The following NEBL variants were observed in gnomAD, a reference collection of about 807,000 sequenced individuals.
The protein encoded by NEBL is LIM and SH3 protein 2.
NEBL carries 122 observed loss-of-function variants against 140.2 expected under a neutral mutation model. The observed-to-expected ratio is 0.87, with a 90% CI of 0.75 to 1.01. The LOEUF (loss-of-function observed/expected upper bound fraction) is 1.01, where lower values mean the gene tolerates loss of function less well. Ranked by LOEUF, NEBL falls within the 50% of genes least tolerant of loss-of-function variation. NEBL has a pLI of 0.00. For missense variants in NEBL, 1,365 were observed against 1,231.3 expected (o/e 1.11, Z -1.62); for synonymous variants, 436 against 398.9 (o/e 1.09, Z -1.11).
chr10:21,170,685 C>T (rs1841033043), intron 2 of NEBL: 1 of 152,612 alleles, frequency 6.6e-6, no homozygotes, highest in Non-Finnish European at 1.5e-5. Flanking sequence ...TCAATGCCCC[C>T]ATTTTCTGAT....
At chr10:21,158,662 C>T (rs1840431935) in intron 2 of NEBL, among the ~76,000 whole-genome samples, 1 of 152,170 alleles carries the variant, frequency 6.6e-6, no homozygotes, top group Non-Finnish European at 1.5e-5. Context: ...TTCTCAGGTC[C>T]CTAAGATGCC....
At chr10:20,803,815 A>AAT (rs1471723616) in intron 26 of NEBL, among the ~76,000 whole-genome samples, 4 of 137,794 alleles carry the variant, frequency 2.9e-5, no homozygotes, top group Non-Finnish European at 4.6e-5. Flanking sequence ...TACGAAAAAT[A>AAT]TATATATATA....
At chr10:21,039,371 A>T (rs371248634) in intron 2 of NEBL, among the ~76,000 whole-genome samples, 1 of 152,204 alleles carries the variant, frequency 6.6e-6, no homozygotes, top group African/African-American at 2.4e-5. Context: ...TTTACGTTTA[A>T]GTCTTTAATC....
At chr10:20,922,970 A>G (rs1201741714) in intron 4 of NEBL, among the ~76,000 whole-genome samples, 3 of 152,226 alleles carry the variant, frequency 2.0e-5, no homozygotes, top group Non-Finnish European at 4.4e-5. Context: ...TTTTCCTTCC[A>G]GTACCTGGTA....
At chr10:21,289,197 C>A (rs1843109230) in intron 1 of NEBL, among the ~76,000 whole-genome samples, 1 of 151,642 alleles carries the variant, frequency 6.6e-6, no homozygotes, top group South Asian at 2.1e-4. Flanking sequence ...CCCGGTTGTT[C>A]CCAAACTGGA....
chr10:21,292,133 G>T (rs993617771), intron 1 of NEBL, among the ~76,000 whole-genome samples: 1 of 151,988 alleles, frequency 6.6e-6, no homozygotes, highest in Non-Finnish European at 1.5e-5. Context: ...AGCTGAACGT[G>T]GTTTCTTTTT....
rs1385075087 is a variant in NEBL, at chr10:21,022,909, G to T, written c.165-2708C>A. On this transcript the variant is annotated intron_variant, in intron 2 of 6. Transcript: ENST00000417816. ...TATTGATTCAAACGAGTAAGGTGTA[G>T]CAGGTAAGGTCTTTTGCTCTCCTTA... Among the ~76,000 whole-genome samples, 5 of 152,228 alleles carry T rather than the reference G, an allele frequency of 3.3e-5. No homozygotes were observed. In the East Asian group the frequency reaches 9.6e-4, roughly 29 times the overall value.
intron 3 of NEBL, among the ~76,000 whole-genome samples, chr10:21,191,578 T>C (rs752405250): frequency 2.4e-4 from 37 of 152,192 alleles, no homozygotes; most frequent in Admixed American, 1.4e-3. Context: ...AACACCTGAG[T>C]TTGTTGTTAC....
intron 3 of NEBL, among the ~76,000 whole-genome samples, chr10:21,226,116 G>C (rs1842143754): frequency 1.3e-5 from 2 of 151,946 alleles, no homozygotes; most frequent in Non-Finnish European, 2.9e-5. Flanking sequence ...ATCCTGACAG[G>C]ACTGTGTCCC....
chr10:21,067,898 G>A lies in NEBL; in HGVS notation c.165-47697C>T, dbSNP rs560216272. On this transcript the variant is annotated intron_variant, in intron 2 of 6. Coordinates refer to the NEBL transcript ENST00000417816. ...GGAGGCTGAGGCAGGAGGATCACTT[G>A]AGCGCAGGAGGTCAAGGCTGCAGTG... Among the ~76,000 whole-genome samples the A allele has an allele frequency of 3.9e-5, 6 of 152,138 alleles. No individual in the cohort carries two copies. In the South Asian group the frequency reaches 1.2e-3, roughly 32 times the overall value.
intron 4 of NEBL, among the ~76,000 whole-genome samples, chr10:20,923,666 C>CAAAAAAAAAAA (rs71390799): frequency 0.015 from 418 of 28,324 alleles, 64 homozygotes; most frequent in Non-Finnish European, 0.016. Flanking sequence ...GACTCCGTCT[C>CAAAAAAAAAAA]AAAAAAAAAA....
Position 21,271,255 on chromosome 10 carries a change from G to A in NEBL, n.183-19427C>T, listed in dbSNP as rs74433039. On this transcript the variant is annotated intron_variant and non_coding_transcript_variant, in intron 1 of 8. Coordinates refer to the NEBL transcript ENST00000675702. Reference sequence around the variant, plus strand: ...CTAAGTGAAATAAGCTAGACACAGAGAGACAAATACTGCATGATCTCACGT... The same window carrying A: ...CTAAGTGAAATAAGCTAGACACAGAAAGACAAATACTGCATGATCTCACGT... Among the ~76,000 whole-genome samples the A allele has an allele frequency of 7.4e-3, 1,122 of 152,276 alleles. 9 individuals are homozygous for A. Among genetic ancestry groups the A allele is most frequent in the African/African-American group, 0.025 (1,038 of 41,564 alleles).
chr10:21,186,774 C>T (rs969097838), intron 3 of NEBL, among the ~76,000 whole-genome samples: 1 of 151,868 alleles, frequency 6.6e-6, no homozygotes, highest in Non-Finnish European at 1.5e-5. Context: ...GGATTGGACA[C>T]CCCTGCTTTA....
intron 18 of NEBL, among the ~76,000 whole-genome samples, chr10:20,824,225 G>A (rs183100462): frequency 2.0e-5 from 3 of 152,282 alleles, no homozygotes; most frequent in African/African-American, 4.8e-5. Flanking sequence ...CTCAACTTAA[G>A]AGGCCGTGTT....
chr10:20,853,860 G>A (rs1842789903), intron 9 of NEBL, among the ~76,000 whole-genome samples: 1 of 152,086 alleles, frequency 6.6e-6, no homozygotes, highest in African/African-American at 2.4e-5. Flanking sequence ...ATAATTTATT[G>A]TACATTTTAA....
chr10:21,233,893 A>T (rs1225979410), intron 3 of NEBL, among the ~76,000 whole-genome samples: 1 of 136,134 alleles, frequency 7.3e-6, no homozygotes, highest in Non-Finnish European at 1.6e-5. Context: ...ATAGATATAT[A>T]TTACATATAT....
chr10:21,158,928 A>G (rs966231750), intron 2 of NEBL, among the ~76,000 whole-genome samples: 3 of 152,200 alleles, frequency 2.0e-5, no homozygotes, highest in African/African-American at 7.2e-5. Flanking sequence ...TTCTTAGAAT[A>G]TAAGTGCTTT....
intron 2 of NEBL, among the ~76,000 whole-genome samples, chr10:21,088,643 T>C (rs1260967612): frequency 6.6e-6 from 1 of 152,166 alleles, no homozygotes; most frequent in Admixed American, 6.5e-5. Flanking sequence ...CAGTCTACTA[T>C]AATGACTGTA....
rs186775858 is a variant in NEBL at position 20,987,716 on chromosome 10, C to T, written c.250-25937G>A. Among the ~76,000 whole-genome samples, 300 of 152,298 alleles carry T rather than the reference C, an allele frequency of 2.0e-3. 1 individual carries two copies. Among genetic ancestry groups the T allele is most frequent in the African/African-American group, 6.6e-3 (275 of 41,578 alleles). On this transcript the variant is annotated intron_variant, in intron 3 of 6. Transcript: ENST00000417816. Reference sequence around the variant, plus strand: ...CTTTAGAGCATAAGACCAAGGCTAACTTCTGCATGGTGAGGAAGAACTGCA... The same window carrying T: ...CTTTAGAGCATAAGACCAAGGCTAATTTCTGCATGGTGAGGAAGAACTGCA...
Sources: gnomAD v4.1 joint callset for allele counts (sites outside exome capture counted in the v4.1 genomes callset) on GRCh38, gnomAD v4.1.1 for gene constraint, MANE v1.5 for transcripts, NCBI Gene and HGNC (gene_info 2026-07-23, HGNC 2026-07-21) for gene names.